CDH13: variants seen among roughly 807,000 people sequenced by gnomAD.
CDH13 encodes cadherin-13.
A neutral mutation model predicts 63.8 loss-of-function variants in CDH13; 24 were observed. The observed-to-expected ratio is 0.38, with a 90% CI of 0.27 to 0.53. The LOEUF is 0.53. Ranked by LOEUF, CDH13 falls within the 20% of genes least tolerant of loss-of-function variation. The pLI, the probability that CDH13 is intolerant of heterozygous loss-of-function variation, is 0.85. For synonymous variants in CDH13, 503 were observed against 355.3 expected (o/e 1.42, Z -4.67); for missense variants, 1,049 against 903.1 (o/e 1.16, Z -2.07).
chr16:83,633,546 T>G (rs1244918551), intron 8 of CDH13, among the ~76,000 whole-genome samples: 1 of 152,182 alleles, frequency 6.6e-6, no homozygotes, highest in African/African-American at 2.4e-5. Context: ...AGGGAGTGTT[T>G]TCTAATAAGG....
chr16:83,227,978 G>T (rs2039892168), intron 5 of CDH13, among the ~76,000 whole-genome samples: 1 of 152,144 alleles, frequency 6.6e-6, no homozygotes, highest in South Asian at 2.1e-4. Context: ...CGATCAGGTG[G>T]CCCTAAGTGC....
chr16:83,461,457 G>A (rs984584468), intron 6 of CDH13, among the ~76,000 whole-genome samples: 1 of 152,130 alleles, frequency 6.6e-6, no homozygotes, highest in South Asian at 2.1e-4. Context: ...ATGGAACAGA[G>A]GTGAAGATGA....
At chr16:83,147,793 AG>A (rs1567876970) in intron 4 of CDH13, among the ~76,000 whole-genome samples, 2 of 152,092 alleles carry the variant, frequency 1.3e-5, no homozygotes, top group African/African-American at 4.8e-5. Flanking sequence ...CTGGGGTCAC[AG>A]GGGGCAAAGA....
At chr16:83,029,946 G>T (rs1050065050) in intron 2 of CDH13, among the ~76,000 whole-genome samples, 1 of 152,120 alleles carries the variant, frequency 6.6e-6, no homozygotes, top group Admixed American at 6.5e-5. Flanking sequence ...ACCCACAAGG[G>T]GCCTCAAAGT....
chr16:82,682,349 G>C (rs900426917), intron 1 of CDH13, among the ~76,000 whole-genome samples: 2 of 152,168 alleles, frequency 1.3e-5, no homozygotes, highest in African/African-American at 4.8e-5. Flanking sequence ...ATGCAGAATA[G>C]AGTAGAAAGT....
At chr16:82,780,973 C>T (rs1216817356) in intron 1 of CDH13, among the ~76,000 whole-genome samples, 1 of 152,232 alleles carries the variant, frequency 6.6e-6, no homozygotes, top group Middle Eastern at 3.2e-3. Flanking sequence ...ATCAGGGTCA[C>T]ATTTGGGGTA....
At position 83,014,706 on chromosome 16, in the gene CDH13, G is replaced by C. The variant is rs1378421806; in HGVS notation, c.158-17304G>C. Among the ~76,000 whole-genome samples the C allele has an allele frequency of 2.2e-5, 3 of 134,380 alleles. No individual in the cohort carries two copies. In the East Asian group the frequency reaches 6.5e-4, roughly 29 times the overall value. The allele number at this position is 134,380 out of a possible 152,430, so 88.2% of individuals were successfully genotyped here. On this transcript the variant is annotated intron_variant, in intron 2 of 13. Coordinates refer to ENST00000567109, the MANE Select transcript of CDH13 (RefSeq NM_001257.5). ...AGATTGCACCACTGCACTCCAGCTT[G>C]GGCAACAGAGGGAGACTCCATCTAA...
At chr16:83,542,100 G>C (rs1250945071) in intron 7 of CDH13, among the ~76,000 whole-genome samples, 1 of 152,190 alleles carries the variant, frequency 6.6e-6, no homozygotes, top group Admixed American at 6.5e-5. Context: ...AGAGCCTCAG[G>C]CCTCATGCTA....
At chr16:83,722,357 G>A (rs924408295) in intron 10 of CDH13, among the ~76,000 whole-genome samples, 2 of 152,176 alleles carry the variant, frequency 1.3e-5, no homozygotes, top group African/African-American at 2.4e-5. Flanking sequence ...CCTGTTATTC[G>A]TAGGGAGATG....
chr16:83,039,410 C>A (rs1427334174), intron 3 of CDH13, among the ~76,000 whole-genome samples: 2 of 152,184 alleles, frequency 1.3e-5, no homozygotes, highest in Non-Finnish European at 2.9e-5. Flanking sequence ...AGAGCCTTCC[C>A]TTCCTGTCAC....
intron 5 of CDH13, among the ~76,000 whole-genome samples, chr16:83,218,447 A>G (rs1245521470): frequency 1.3e-5 from 2 of 148,972 alleles, no homozygotes; most frequent in African/African-American, 5.0e-5. Context: ...GTGAGCCATG[A>G]GTCCCAACTT....
intron 6 of CDH13, among the ~76,000 whole-genome samples, chr16:83,404,683 A>G (rs1319614070): frequency 2.0e-5 from 3 of 152,208 alleles, no homozygotes. Context: ...ATGTGCCTAA[A>G]TCTTCCTCGG....
intron 3 of CDH13, among the ~76,000 whole-genome samples, chr16:83,086,697 G>A (rs1037034608): frequency 6.6e-6 from 1 of 152,178 alleles, no homozygotes; most frequent in African/African-American, 2.4e-5. Context: ...GCTCCAAGAA[G>A]TAAGTGCACA....
chr16:82,912,715 G>A (rs1258010235), intron 2 of CDH13, among the ~76,000 whole-genome samples: 3 of 152,166 alleles, frequency 2.0e-5, no homozygotes, highest in African/African-American at 7.2e-5. Context: ...AGGCCGAGGT[G>A]GGCGGATCAC....
rs554107476 is a variant in CDH13, at chr16:82,629,545, G to A, written c.45+2408G>A. 3.3e-5 allele frequency among the ~76,000 whole-genome samples: 5 copies of A among 152,352 alleles called. No homozygotes were observed. The East Asian group carries it at 9.6e-4, about 29-fold the overall frequency. ...ACTTTCCTGAGGCAGAGAGAAAACA[G>A]AAGGGAAAAACAATGTAATAAAACA... On this transcript the variant is annotated intron_variant, in intron 1 of 13. Transcript: ENST00000567109.
At chr16:83,744,929 G>A (rs952571967) in intron 10 of CDH13, among the ~76,000 whole-genome samples, 2 of 152,272 alleles carry the variant, frequency 1.3e-5, no homozygotes, top group Admixed American at 1.3e-4. Flanking sequence ...AGCAGCAGAG[G>A]GTGACAGCAG....
intron 5 of CDH13, among the ~76,000 whole-genome samples, chr16:83,321,992 G>A (rs1299951234): frequency 1.3e-5 from 2 of 152,226 alleles, no homozygotes; most frequent in African/African-American, 4.8e-5. Context: ...GTGAGAAGGA[G>A]CCACAGAGGT....
chr16:82,819,227 C>G (rs1391025985), intron 1 of CDH13, among the ~76,000 whole-genome samples: 2 of 152,124 alleles, frequency 1.3e-5, no homozygotes, highest in African/African-American at 4.8e-5. Context: ...ATTAATTGAT[C>G]TAAATTAATC....
chr16:83,432,724 G>A (rs1257153031), intron 6 of CDH13, among the ~76,000 whole-genome samples: 1 of 152,112 alleles, frequency 6.6e-6, no homozygotes, highest in African/African-American at 2.4e-5. Context: ...ATTCTAGAAG[G>A]CAGAGTTGGA....
Sources: allele counts gnomAD v4.1 joint callset (sites outside exome capture counted in the v4.1 genomes callset), GRCh38; gene constraint gnomAD v4.1.1; transcripts MANE v1.5; gene names NCBI Gene and HGNC (gene_info 2026-07-23, HGNC 2026-07-21).